Variants in PICALM observed in about 807,000 individuals in gnomAD.
The protein encoded by PICALM is phosphatidylinositol binding clathrin assembly protein.
A neutral mutation model predicts 80.5 loss-of-function variants in PICALM; 40 were observed. The ratio of observed to expected loss-of-function variants is 0.50; its 90% CI spans 0.39 to 0.65. PICALM has a LOEUF of 0.65. PICALM is among the 30% of genes least tolerant of loss of function. PICALM has a pLI of 0.00. For missense variants in PICALM, 676 were observed against 778.9 expected, an observed-to-expected ratio of 0.87 and a Z score of 1.57; for synonymous variants, 288 against 260.3, an observed-to-expected ratio of 1.11 and a Z score of -1.02.
chr11:85,999,268 A>T (rs1448258137), intron 11 of PICALM, among the ~76,000 whole-genome samples: 1 of 152,206 alleles, frequency 6.6e-6, no homozygotes, highest in African/African-American at 2.4e-5. Context: ...ATATAAACGC[A>T]TTTAGTGCTT....
Position 86,005,057 on chromosome 11 carries a change from C to A in PICALM, c.808-1606G>T, listed in dbSNP as rs541856145. Among the ~76,000 whole-genome samples the A allele has an allele frequency of 1.2e-4, 19 of 152,332 alleles. 1 individual carries two copies. In the South Asian group the frequency reaches 3.7e-3, roughly 30 times the overall value. ...ACTGTGCTAGCTACCTTGTAGTAGT[C>A]ACTGAATCTATGAAGTAGACACTAC... On this transcript the variant is annotated intron_variant, in intron 8 of 19. Transcript: ENST00000393346.
intron 19 of PICALM, among the ~76,000 whole-genome samples, chr11:85,973,504 C>G (rs915458025): frequency 2.6e-5 from 4 of 152,116 alleles, no homozygotes; most frequent in African/African-American, 9.7e-5. Flanking sequence ...TGTTACTGTT[C>G]TATTATTCAT....
chr11:86,032,681 C>T (rs2095777554), intron 1 of PICALM, among the ~76,000 whole-genome samples: 1 of 151,856 alleles, frequency 6.6e-6, no homozygotes. Context: ...AGGAGAAAAC[C>T]AAGAAATGAG....
At chr11:85,984,054 T>A in intron 13 of PICALM, 81 bp from the exon 14 acceptor site, 2 of 659,352 alleles carry the variant, frequency 3.0e-6, no homozygotes, top group Non-Finnish European at 5.3e-6. Context: ...GACAATAGAA[T>A]GGAAAATGCA....
At chr11:86,002,172 C>T (rs976881735) in intron 9 of PICALM, among the ~76,000 whole-genome samples, 4 of 152,138 alleles carry the variant, frequency 2.6e-5, no homozygotes, top group Admixed American at 6.5e-5. Context: ...GTTATTCTCT[C>T]AAATAAATGA....
intron 1 of PICALM, among the ~76,000 whole-genome samples, chr11:86,053,095 C>G (rs888861130): frequency 6.6e-6 from 1 of 152,202 alleles, no homozygotes; most frequent in African/African-American, 2.4e-5. Flanking sequence ...TATCTGCATA[C>G]GTCATCTACC....
intron 17 of PICALM, chr11:85,976,898 C>A: frequency 2.3e-6 from 1 of 429,544 alleles, no homozygotes; most frequent in Non-Finnish European, 4.3e-6. Context: ...ATAACTATAC[C>A]ACTTAAACTT....
intron 6 of PICALM, among the ~76,000 whole-genome samples, chr11:86,011,683 T>C (rs1565403567): frequency 6.6e-6 from 1 of 152,152 alleles, no homozygotes; most frequent in African/African-American, 2.4e-5. Context: ...CATCCCTGAG[T>C]AAGTCCACGT....
intron 1 of PICALM, among the ~76,000 whole-genome samples, chr11:86,032,420 C>A (rs139075858): frequency 6.6e-6 from 1 of 152,080 alleles, no homozygotes; most frequent in Non-Finnish European, 1.5e-5. Context: ...ATCAGGAGTT[C>A]GAGACCAGCC....
chr11:85,965,364 A>G (rs2093841024), intron 19 of PICALM, among the ~76,000 whole-genome samples: 1 of 152,216 alleles, frequency 6.6e-6, no homozygotes, highest in South Asian at 2.1e-4. Context: ...AAACAGACTT[A>G]GACAATGCTT....
intron 1 of PICALM, among the ~76,000 whole-genome samples, chr11:86,062,220 G>C (rs971484684): frequency 6.6e-6 from 1 of 152,260 alleles, no homozygotes; most frequent in Admixed American, 6.5e-5. Flanking sequence ...CATACAAACA[G>C]CAAGAGTAAA....
chr11:86,069,541 G>GT (rs1358939639), upstream of PICALM: 1 of 152,358 alleles, frequency 6.6e-6, no homozygotes, highest in East Asian at 1.9e-4. Flanking sequence ...CCCTGAAGTG[G>GT]GGGGTATTAG....
At chr11:86,044,168 T>A (rs1401630522) in intron 1 of PICALM, among the ~76,000 whole-genome samples, 2 of 152,164 alleles carry the variant, frequency 1.3e-5, no homozygotes, top group African/African-American at 4.8e-5. Flanking sequence ...AACAAATAGA[T>A]GGTGGCAAGT....
intron 17 of PICALM, among the ~76,000 whole-genome samples, chr11:85,980,921 A>G (rs1415354847): frequency 6.6e-6 from 1 of 152,246 alleles, no homozygotes; most frequent in African/African-American, 2.4e-5. Flanking sequence ...TATGTCTGGC[A>G]CAAAGTAACC....
At chr11:85,959,208 AT>A in intron 19 of PICALM, 148 bp from the exon 20 acceptor site, 1 of 511,058 alleles carries the variant, frequency 2.0e-6, no homozygotes, top group Admixed American at 3.3e-5. Flanking sequence ...CAAAGTCAGT[AT>A]TATCAACTTA....
chr11:86,048,986 T>A (rs694011), intron 1 of PICALM, among the ~76,000 whole-genome samples: 1 of 151,900 alleles, frequency 6.6e-6, no homozygotes, highest in Admixed American at 6.6e-5. Flanking sequence ...GGAGGCAAAG[T>A]GACCACGTAA....
intron 4 of PICALM, among the ~76,000 whole-genome samples, chr11:86,019,171 A>G (rs1012019647): frequency 2.0e-5 from 3 of 152,196 alleles, no homozygotes; most frequent in African/African-American, 7.2e-5. Context: ...ACTACTTACA[A>G]TGAGAGTCCT....
At chr11:86,044,676 G>A (rs1042828264) in intron 1 of PICALM, among the ~76,000 whole-genome samples, 4 of 152,192 alleles carry the variant, frequency 2.6e-5, no homozygotes, top group Non-Finnish European at 5.9e-5. Flanking sequence ...ACTGGCTCAT[G>A]ACCTGTTAGG....
At chr11:86,027,446 G>T (rs2095666526) in intron 2 of PICALM, among the ~76,000 whole-genome samples, 1 of 150,252 alleles carries the variant, frequency 6.7e-6, no homozygotes, top group South Asian at 2.1e-4. Flanking sequence ...TTTTTTTAAT[G>T]CATGTAGAGG....
Sources: gnomAD v4.1 joint callset for allele counts (sites outside exome capture counted in the v4.1 genomes callset) on GRCh38, gnomAD v4.1.1 for gene constraint, MANE v1.5 for transcripts, NCBI Gene and HGNC (gene_info 2026-07-23, HGNC 2026-07-21) for gene names.